RALGAPA2: variants seen among roughly 807,000 people sequenced by gnomAD.
RALGAPA2 encodes Ral GTPase activating protein catalytic subunit alpha 2, also known as ral GTPase-activating protein subunit alpha-2.
In RALGAPA2, 139 loss-of-function variants were observed where a neutral mutation model predicts 230.4. The observed-to-expected ratio is 0.60, with a 90% CI of 0.53 to 0.69. The LOEUF is 0.69. Among genes scored for constraint, RALGAPA2 ranks in the 30% least tolerant of loss-of-function variants. The pLI is 0.00. For missense variants in RALGAPA2, 2,163 were observed against 2,276.0 expected (o/e 0.95, Z 1.01); for synonymous variants, 847 against 837.8 (o/e 1.01, Z -0.19).
Position 20,524,826 on chromosome 20 carries a change from C to T in RALGAPA2, c.3762+4G>A, listed in dbSNP as rs2063152463. 6.3e-7 allele frequency: 1 copy of T among 1,589,666 alleles called. No homozygotes were observed. The highest frequency in any genetic ancestry group is 1.2e-5 in the South Asian group (1 of 84,762). ...AGGAAAAACTTAGTTAATGTGCCACCTACCTTCTTGTCTGTTTCCACTGAG... is the reference window on the plus strand; with the variant it reads ...AGGAAAAACTTAGTTAATGTGCCACTTACCTTCTTGTCTGTTTCCACTGAG... On this transcript the variant is annotated splice_donor_region_variant and intron_variant, in intron 29 of 39. Transcript: ENST00000202677.
At chr20:20,425,378 T>C (rs1261852491) in intron 37 of RALGAPA2, among the ~76,000 whole-genome samples, 2 of 152,210 alleles carry the variant, frequency 1.3e-5, no homozygotes, top group East Asian at 3.8e-4. Flanking sequence ...TTCCTTTTCA[T>C]GGTATTTACA....
chr20:20,474,457 T>C (rs1298646186), intron 36 of RALGAPA2, among the ~76,000 whole-genome samples: 1 of 152,202 alleles, frequency 6.6e-6, no homozygotes, highest in Non-Finnish European at 1.5e-5. Context: ...AAAGGTATTG[T>C]TTTGGCACCT....
intron 5 of RALGAPA2, among the ~76,000 whole-genome samples, chr20:20,642,992 T>C (rs1173027687): frequency 6.6e-6 from 1 of 152,210 alleles, no homozygotes; most frequent in Non-Finnish European, 1.5e-5. Flanking sequence ...CATATCCATT[T>C]CAAAATAAAC....
Position 20,583,036 on chromosome 20 carries a change from A to G in RALGAPA2, c.2707+14T>C. ...CTGTTTGCATTAGTGCCTCTTTTTCAAAATGCAATTTACCTGTTAAATTTG... is the reference window on the plus strand; with the variant it reads ...CTGTTTGCATTAGTGCCTCTTTTTCGAAATGCAATTTACCTGTTAAATTTG... On this transcript the variant is annotated intron_variant, in intron 20 of 39. Coordinates refer to ENST00000202677, the MANE Select transcript of RALGAPA2 (RefSeq NM_020343.4). The G allele has an allele frequency of 6.2e-7, 1 of 1,611,526 alleles. No individual in the cohort carries two copies. Among genetic ancestry groups the G allele is most frequent in the Non-Finnish European group, 8.5e-7 (1 of 1,178,522 alleles).
intron 36 of RALGAPA2, among the ~76,000 whole-genome samples, chr20:20,483,063 G>A (rs889149854): frequency 6.6e-6 from 1 of 152,220 alleles, no homozygotes; most frequent in Non-Finnish European, 1.5e-5. Flanking sequence ...CATTCACTGT[G>A]TGTGTCAGTA....
At chr20:20,682,521 C>T (rs980938816) in intron 1 of RALGAPA2, among the ~76,000 whole-genome samples, 3 of 152,142 alleles carry the variant, frequency 2.0e-5, no homozygotes, top group Admixed American at 2.0e-4. Context: ...CCCATCTTAC[C>T]CCCAAGACTA....
chr20:20,691,728 G>C (rs1471493922), intron 1 of RALGAPA2, among the ~76,000 whole-genome samples: 2 of 152,298 alleles, frequency 1.3e-5, no homozygotes, highest in South Asian at 4.1e-4. Context: ...TCAGAAGGAA[G>C]GGGAGCCTAG....
chr20:20,415,759 T>C (rs540395213), intron 37 of RALGAPA2, among the ~76,000 whole-genome samples: 2 of 152,292 alleles, frequency 1.3e-5, no homozygotes, highest in African/African-American at 4.8e-5. Flanking sequence ...ATTCCTCTAC[T>C]TTACTAAAGA....
intron 13 of RALGAPA2, among the ~76,000 whole-genome samples, chr20:20,615,213 T>A (rs974031364): frequency 1.3e-5 from 2 of 151,184 alleles, no homozygotes; most frequent in Non-Finnish European, 2.9e-5. Flanking sequence ...TCGCCCAGGC[T>A]GGAGTGCAGT....
At position 20,658,585 on chromosome 20, in the gene RALGAPA2, A is replaced by G. The variant is rs539684489; in HGVS notation, c.271-4998T>C. On this transcript the variant is annotated intron_variant, in intron 3 of 39. Transcript: ENST00000202677. Reference sequence around the variant, plus strand: ...TCTGAAAAACACACAGCTCTATTTAATGCTCAGTGCTCAGCTGCATCTATA... The same window carrying G: ...TCTGAAAAACACACAGCTCTATTTAGTGCTCAGTGCTCAGCTGCATCTATA... 2.0e-5 allele frequency among the ~76,000 whole-genome samples: 3 copies of G among 152,376 alleles called. No homozygotes were observed. In the South Asian group the frequency reaches 6.2e-4, roughly 32 times the overall value.
intron 1 of RALGAPA2, among the ~76,000 whole-genome samples, chr20:20,704,039 G>A (rs912566034): frequency 3.3e-5 from 5 of 152,252 alleles, no homozygotes; most frequent in Non-Finnish European, 7.4e-5. Context: ...GCACAGAAGA[G>A]GGAGCAAGAC....
chr20:20,560,468 A>G (rs1471722459), intron 23 of RALGAPA2, among the ~76,000 whole-genome samples: 1 of 152,226 alleles, frequency 6.6e-6, no homozygotes, highest in African/African-American at 2.4e-5. Context: ...ACAATCTGCA[A>G]TTACCACAAT....
intron 30 of RALGAPA2, among the ~76,000 whole-genome samples, chr20:20,524,008 G>A (rs948256162): frequency 1.1e-4 from 16 of 152,142 alleles, no homozygotes; most frequent in African/African-American, 3.6e-4. Flanking sequence ...CCAGGTTGGA[G>A]TGCAGTGGCG....
At chr20:20,628,460 G>A (rs762714996) in intron 10 of RALGAPA2, among the ~76,000 whole-genome samples, 2 of 152,152 alleles carry the variant, frequency 1.3e-5, no homozygotes, top group Non-Finnish European at 2.9e-5. Flanking sequence ...AGTACCTAGA[G>A]TCAAGTGGCA....
At chr20:20,396,245 C>T (rs975434082) in intron 39 of RALGAPA2, among the ~76,000 whole-genome samples, 2 of 152,282 alleles carry the variant, frequency 1.3e-5, no homozygotes, top group Non-Finnish European at 2.9e-5. Context: ...GCCCCCGCCA[C>T]AACCTGCCCT....
chr20:20,420,802 C>A (rs373186751), intron 37 of RALGAPA2, among the ~76,000 whole-genome samples: 1 of 152,116 alleles, frequency 6.6e-6, no homozygotes, highest in South Asian at 2.1e-4. Flanking sequence ...CCCACGGATG[C>A]GTTTTAAACC....
chr20:20,428,009 A>G (rs2060422319), intron 37 of RALGAPA2, among the ~76,000 whole-genome samples: 1 of 152,244 alleles, frequency 6.6e-6, no homozygotes, highest in South Asian at 2.1e-4. Flanking sequence ...AAGAGAGATC[A>G]GAATTAGAAA....
chr20:20,571,237 T>C (rs1224962021), intron 23 of RALGAPA2, among the ~76,000 whole-genome samples: 1 of 152,186 alleles, frequency 6.6e-6, no homozygotes, highest in Admixed American at 6.5e-5. Flanking sequence ...TAAAATTTGG[T>C]TGGCACAATG....
chr20:20,404,988 CAT>C (rs759605241), intron 38 of RALGAPA2, among the ~76,000 whole-genome samples: 2 of 152,216 alleles, frequency 1.3e-5, no homozygotes, highest in South Asian at 2.1e-4. Flanking sequence ...GGCTCTGAAA[CAT>C]GTGGTTTCTT....
Sources: gnomAD v4.1 joint callset for allele counts (sites outside exome capture counted in the v4.1 genomes callset) on GRCh38, gnomAD v4.1.1 for gene constraint, MANE v1.5 for transcripts, NCBI Gene and HGNC (gene_info 2026-07-23, HGNC 2026-07-21) for gene names.